FBXL7: variants seen among roughly 807,000 people sequenced by gnomAD.
The protein encoded by FBXL7 is F-box and leucine rich repeat protein 7.
Under a neutral mutation model 38.3 loss-of-function variants are expected in FBXL7, and 12 were observed. The ratio of observed to expected loss-of-function variants is 0.31; its 90% CI spans 0.20 to 0.51. FBXL7 has a LOEUF of 0.51. FBXL7 is among the 20% of genes least tolerant of loss of function. The probability of loss-of-function intolerance (pLI) is 0.98; values close to 1 mark genes in which losing one functional copy is unlikely to be tolerated. For missense variants in FBXL7, 567 were observed against 676.4 expected (o/e 0.84, Z 1.79); for synonymous variants, 297 against 300.9 (o/e 0.99, Z 0.13).
chr5:15,712,253 C>A (rs1373759672), intron 2 of FBXL7, among the ~76,000 whole-genome samples: 4 of 150,994 alleles, frequency 2.6e-5, no homozygotes, highest in Non-Finnish European at 5.9e-5. Context: ...AATTAGAACT[C>A]TTTAAAAGCC....
chr5:15,833,555 G>T, intron 2 of FBXL7, among the ~76,000 whole-genome samples: 1 of 152,180 alleles, frequency 6.6e-6, no homozygotes, highest in East Asian at 1.9e-4. Flanking sequence ...CTTCCCTGAT[G>T]ATTTAATTTC....
intron 2 of FBXL7, among the ~76,000 whole-genome samples, chr5:15,918,298 G>GAAGTTGTTT (rs1202386192): frequency 6.6e-6 from 1 of 152,102 alleles, no homozygotes; most frequent in African/African-American, 2.4e-5. Context: ...AGGGTACTAA[G>GAAGTTGTTT]AAGTTGTTTG....
intron 2 of FBXL7, among the ~76,000 whole-genome samples, chr5:15,737,364 G>T (rs1182878003): frequency 1.3e-5 from 2 of 152,114 alleles, no homozygotes; most frequent in African/African-American, 2.4e-5. Flanking sequence ...GTATTTTCAT[G>T]AACAAGTGAC....
At chr5:15,638,613 G>T (rs896610913) in intron 2 of FBXL7, among the ~76,000 whole-genome samples, 1 of 152,052 alleles carries the variant, frequency 6.6e-6, no homozygotes, top group South Asian at 2.1e-4. Flanking sequence ...TGCACATCTC[G>T]GGGGAGGGAG....
chr5:15,517,441 G>T (rs920182180), intron 1 of FBXL7, among the ~76,000 whole-genome samples: 1 of 152,160 alleles, frequency 6.6e-6, no homozygotes, highest in African/African-American at 2.4e-5. Flanking sequence ...AGTGTACCTA[G>T]AACTGAATCT....
chr5:15,603,230 C>T (rs577368641), intron 1 of FBXL7, among the ~76,000 whole-genome samples: 10 of 152,102 alleles, frequency 6.6e-5, no homozygotes, highest in Middle Eastern at 3.4e-3. Flanking sequence ...TAGTGCTAAC[C>T]GTAATCCTTT....
chr5:15,744,338 G>C (rs1170588505), intron 2 of FBXL7, among the ~76,000 whole-genome samples: 1 of 152,094 alleles, frequency 6.6e-6, no homozygotes, highest in East Asian at 1.9e-4. Context: ...CAGATCTCTG[G>C]AGCAGGGACA....
At chr5:15,678,824 T>C (rs774836982) in intron 2 of FBXL7, among the ~76,000 whole-genome samples, 16 of 152,202 alleles carry the variant, frequency 1.1e-4, no homozygotes, top group Admixed American at 4.6e-4. Context: ...TCCTTGGCCA[T>C]GTGGAACTGG....
At chr5:15,628,110 CAG>C (rs1740877852) in intron 2 of FBXL7, among the ~76,000 whole-genome samples, 1 of 152,164 alleles carries the variant, frequency 6.6e-6, no homozygotes, top group South Asian at 2.1e-4. Context: ...TAGGTGGCAA[CAG>C]AGTTAATTAT....
chr5:15,761,883 T>C (rs1445192982), intron 2 of FBXL7, among the ~76,000 whole-genome samples: 1 of 152,208 alleles, frequency 6.6e-6, no homozygotes, highest in Non-Finnish European at 1.5e-5. Flanking sequence ...TGAATAAAAG[T>C]GCTTCATCTT....
chr5:15,822,795 G>A (rs1175259943), intron 2 of FBXL7, among the ~76,000 whole-genome samples: 4 of 151,962 alleles, frequency 2.6e-5, no homozygotes, highest in African/African-American at 9.7e-5. Flanking sequence ...GGACACTAAG[G>A]CACACAGAGA....
At chr5:15,541,814 G>T (rs1204523441) in intron 1 of FBXL7, among the ~76,000 whole-genome samples, 1 of 151,936 alleles carries the variant, frequency 6.6e-6, no homozygotes, top group Non-Finnish European at 1.5e-5. Context: ...CAAAGTGCTA[G>T]GATTACAGGC....
intron 2 of FBXL7, among the ~76,000 whole-genome samples, chr5:15,775,359 C>A (rs891180825): frequency 2.0e-5 from 3 of 151,602 alleles, no homozygotes; most frequent in East Asian, 1.9e-4. Flanking sequence ...AAGTTAGTGT[C>A]ACTGTCTACT....
chr5:15,705,240 T>TGA (rs1217640733), intron 2 of FBXL7, among the ~76,000 whole-genome samples: 1 of 152,214 alleles, frequency 6.6e-6, no homozygotes, highest in Non-Finnish European at 1.5e-5. Flanking sequence ...CACATAGGAA[T>TGA]GAGAGTTTTC....
intron 2 of FBXL7, among the ~76,000 whole-genome samples, chr5:15,624,831 G>T (rs915181566): frequency 6.7e-6 from 1 of 148,838 alleles, no homozygotes; most frequent in African/African-American, 2.5e-5. Context: ...AACTGTTTAT[G>T]TAAAATTAAA....
intron 2 of FBXL7, among the ~76,000 whole-genome samples, chr5:15,918,471 A>G (rs1214715127): frequency 1.3e-5 from 2 of 152,242 alleles, no homozygotes; most frequent in Non-Finnish European, 1.5e-5. Context: ...TGCATTCTGT[A>G]CATTTCATTG....
intron 2 of FBXL7, among the ~76,000 whole-genome samples, chr5:15,660,435 C>T (rs1251506332): frequency 2.0e-5 from 3 of 152,236 alleles, no homozygotes; most frequent in African/African-American, 7.2e-5. Flanking sequence ...CGGCTCACTG[C>T]AACCTTCACC....
chr5:15,669,227 T>C (rs954234254), intron 2 of FBXL7, among the ~76,000 whole-genome samples: 1 of 152,220 alleles, frequency 6.6e-6, no homozygotes, highest in Non-Finnish European at 1.5e-5. Flanking sequence ...CATCCAAGTG[T>C]AGAATGTTTT....
In FBXL7 at chr5:15,937,141, C is replaced by G. The variant is rs1375397765; in HGVS notation, c.1431C>G (p.His477Gln). ...AGGCCCTGCGCTTTGTCAAACGCCA[C>G]TGCAAGCGCTGCGTCATCGAGCACA... ...SVEALRFVKR[H>Q]CKRCVIEHTN... Residue 477 changes from histidine to glutamine, a missense_variant, in exon 4 of 4, where the codon CAC becomes CAG. Transcript: ENST00000504595. 6.2e-7 allele frequency: 1 copy of G among 1,607,916 alleles called. No homozygotes were observed. The highest frequency in any genetic ancestry group is 2.2e-5 in the East Asian group (1 of 44,674).
Sources: gnomAD v4.1 joint callset for allele counts (sites outside exome capture counted in the v4.1 genomes callset) on GRCh38, gnomAD v4.1.1 for gene constraint, MANE v1.5 for transcripts, NCBI Gene and HGNC (gene_info 2026-07-23, HGNC 2026-07-21) for gene names.